SUGCT: variants seen among roughly 807,000 people sequenced by gnomAD.
SUGCT encodes the protein succinyl-CoA:glutarate CoA-transferase.
A neutral mutation model predicts 55.0 loss-of-function variants in SUGCT; 41 were observed. The ratio of observed to expected loss-of-function variants is 0.74; its 90% CI spans 0.58 to 0.97. SUGCT has a LOEUF of 0.97. Among genes scored for constraint, SUGCT ranks in the 50% least tolerant of loss-of-function variants. SUGCT has a pLI of 0.00. For synonymous variants in SUGCT, 187 were observed against 200.4 expected, an observed-to-expected ratio of 0.93 and a Z score of 0.56; for missense variants, 568 against 547.8, an observed-to-expected ratio of 1.04 and a Z score of -0.37.
At chr7:40,888,015 A>C in the SUGCT span, among the ~76,000 whole-genome samples, 1 of 152,100 alleles carries the variant, frequency 6.6e-6, no homozygotes, top group African/African-American at 2.4e-5. Flanking sequence ...TTATCTCTGA[A>C]GTGGCAGAGC....
intron 9 of SUGCT, among the ~76,000 whole-genome samples, chr7:40,364,762 A>G (rs1243395515): frequency 6.6e-6 from 1 of 152,166 alleles, no homozygotes; most frequent in African/African-American, 2.4e-5. Flanking sequence ...AAATTGTGGC[A>G]ATAATCAATA....
intron 12 of SUGCT, among the ~76,000 whole-genome samples, chr7:40,735,398 T>C (rs1787103281): frequency 6.6e-6 from 1 of 152,238 alleles, no homozygotes; most frequent in South Asian, 2.1e-4. Flanking sequence ...ACTTCAAATG[T>C]AGCTTAAAGA....
chr7:40,305,606 C>T (rs1794809220), intron 8 of SUGCT, among the ~76,000 whole-genome samples: 1 of 152,090 alleles, frequency 6.6e-6, no homozygotes, highest in Non-Finnish European at 1.5e-5. Context: ...TTGCTTAGAA[C>T]TCCACATCTT....
chr7:40,901,154 C>G, the SUGCT span, among the ~76,000 whole-genome samples: 2 of 152,162 alleles, frequency 1.3e-5, no homozygotes, highest in Non-Finnish European at 2.9e-5. Flanking sequence ...TGACTTACAG[C>G]TCTTACATGG....
chr7:40,150,845 G>C (rs1462833468), intron 1 of SUGCT, among the ~76,000 whole-genome samples: 1 of 152,184 alleles, frequency 6.6e-6, no homozygotes, highest in Non-Finnish European at 1.5e-5. Context: ...AGTGGGCAAG[G>C]TGAAACCCTT....
intron 12 of SUGCT, among the ~76,000 whole-genome samples, chr7:40,697,101 A>G (rs186231934): frequency 1.8e-4 from 27 of 152,320 alleles, no homozygotes; most frequent in African/African-American, 6.3e-4. Flanking sequence ...ACACACACAC[A>G]GCAAAAAGGC....
chr7:40,657,389 C>T (rs1801068674), intron 12 of SUGCT, among the ~76,000 whole-genome samples: 1 of 152,114 alleles, frequency 6.6e-6, no homozygotes, highest in Admixed American at 6.5e-5. Context: ...CGATGCTAGC[C>T]TATCATATCT....
chr7:40,707,972 C>T (rs1785508274), intron 12 of SUGCT, among the ~76,000 whole-genome samples: 1 of 152,034 alleles, frequency 6.6e-6, no homozygotes, highest in Non-Finnish European at 1.5e-5. Context: ...AGATTTTTAG[C>T]TGTTAGCAGA....
At chr7:40,511,247 G>A (rs1021286775) in intron 12 of SUGCT, among the ~76,000 whole-genome samples, 9 of 152,006 alleles carry the variant, frequency 5.9e-5, no homozygotes, top group African/African-American at 2.2e-4. Flanking sequence ...TTTCCTGCCC[G>A]AAATGCATGG....
the SUGCT span, among the ~76,000 whole-genome samples, chr7:40,898,335 C>T: frequency 4.6e-5 from 7 of 152,122 alleles, no homozygotes; most frequent in East Asian, 1.9e-4. Flanking sequence ...TAAGACTCAC[C>T]GCGAAGGTCT....
intron 9 of SUGCT, among the ~76,000 whole-genome samples, chr7:40,334,892 C>T (rs1006719589): frequency 6.6e-6 from 1 of 152,172 alleles, no homozygotes; most frequent in Non-Finnish European, 1.5e-5. Context: ...TTAGGTCTGA[C>T]ATTTAAGTCC....
At chr7:40,962,547 A>C in the SUGCT span, among the ~76,000 whole-genome samples, 1 of 145,072 alleles carries the variant, frequency 6.9e-6, no homozygotes, top group East Asian at 2.1e-4. Flanking sequence ...CTACTATACG[A>C]ATTCCTTCAA....
Position 40,416,724 on chromosome 7 carries a change from G to T in SUGCT, c.817-32563G>T, listed in dbSNP as rs191254129. ...ATATATTTACCAGTGAAGTTGGACT[G>T]TGATTTTCTGTTTTTGAGCTTTATT... On this transcript the variant is annotated intron_variant, in intron 9 of 13. Coordinates refer to ENST00000335693, the MANE Select transcript of SUGCT (RefSeq NM_001193313.2). Among the ~76,000 whole-genome samples, 3 of 152,036 alleles carry T rather than the reference G, an allele frequency of 2.0e-5. No individual in the cohort carries two copies. The East Asian group carries it at 5.8e-4, about 29-fold the overall frequency.
chr7:40,976,458 TAGA>T, the SUGCT span, among the ~76,000 whole-genome samples: 3 of 152,210 alleles, frequency 2.0e-5, no homozygotes, highest in African/African-American at 7.2e-5. Flanking sequence ...CTTAGATAAA[TAGA>T]AGATGTTGCT....
At chr7:40,961,740 C>A in the SUGCT span, among the ~76,000 whole-genome samples, 1 of 152,038 alleles carries the variant, frequency 6.6e-6, no homozygotes, top group South Asian at 2.1e-4. Context: ...TTTCTTCCTT[C>A]CAGTGGGTTC....
rs1049259442 is a variant in SUGCT, at chr7:40,216,711, G to A, written c.485-20924G>A. Among the ~76,000 whole-genome samples the A allele has an allele frequency of 2.0e-5, 3 of 151,832 alleles. No homozygotes were observed. The South Asian group carries it at 6.2e-4, about 32-fold the overall frequency. On this transcript the variant is annotated intron_variant, in intron 6 of 13. Coordinates refer to ENST00000335693, the MANE Select transcript of SUGCT (RefSeq NM_001193313.2). ...TTATAAAAATACAAAAATTAGCCAGGTGTGATGGTGCATGCCTGTAATCCC... is the reference window on the plus strand; with the variant it reads ...TTATAAAAATACAAAAATTAGCCAGATGTGATGGTGCATGCCTGTAATCCC...
chr7:40,146,649 C>G (rs570962466), intron 1 of SUGCT, among the ~76,000 whole-genome samples: 1 of 152,228 alleles, frequency 6.6e-6, no homozygotes, highest in Non-Finnish European at 1.5e-5. Context: ...GGTTTAAGAA[C>G]GCCTTAAGCG....
At chr7:40,892,657 T>C in the SUGCT span, among the ~76,000 whole-genome samples, 1 of 151,994 alleles carries the variant, frequency 6.6e-6, no homozygotes, top group Admixed American at 6.6e-5. Context: ...CCTCAGCCTC[T>C]CAAGTAGCTA....
At chr7:41,010,023 G>A in the SUGCT span, among the ~76,000 whole-genome samples, 1 of 152,226 alleles carries the variant, frequency 6.6e-6, no homozygotes, top group African/African-American at 2.4e-5. Flanking sequence ...TGCGCTGGAT[G>A]TGTACTATTT....
Sources: gnomAD v4.1 joint callset for allele counts (sites outside exome capture counted in the v4.1 genomes callset) on GRCh38, gnomAD v4.1.1 for gene constraint, MANE v1.5 for transcripts, NCBI Gene and HGNC (gene_info 2026-07-23, HGNC 2026-07-21) for gene names.